The following CHST9 variants were observed in gnomAD, a reference collection of about 807,000 sequenced individuals.
CHST9 encodes the protein carbohydrate sulfotransferase 9.
CHST9 carries 41 observed loss-of-function variants against 44.4 expected under a neutral mutation model. The observed-to-expected ratio is 0.92, with a 90% CI of 0.72 to 1.20. CHST9 has a LOEUF of 1.20. Ranked by LOEUF, CHST9 falls within the 50% of genes most tolerant of loss-of-function variation. The pLI, the probability that CHST9 is intolerant of heterozygous loss-of-function variation, is 0.00. For synonymous variants in CHST9, 171 were observed against 178.4 expected (o/e 0.96, Z 0.33); for missense variants, 504 against 516.5 (o/e 0.98, Z 0.23).
chr18:27,020,840 T>A (rs2057217273), intron 4 of CHST9, among the ~76,000 whole-genome samples: 1 of 152,164 alleles, frequency 6.6e-6, no homozygotes, highest in Admixed American at 6.5e-5. Flanking sequence ...AGCTCTCTCT[T>A]GGGGTCCCCA....
intron 4 of CHST9, among the ~76,000 whole-genome samples, chr18:26,951,132 G>A (rs1250681555): frequency 1.3e-5 from 2 of 152,202 alleles, no homozygotes; most frequent in Non-Finnish European, 2.9e-5. Flanking sequence ...TGAAGGTGGT[G>A]TTGAGACACT....
At position 27,030,933 on chromosome 18, in the gene CHST9, A is replaced by C. The variant is rs200399412; in HGVS notation, c.161-6776T>G. ...TCTAGGAAATAGGGCAAAAACAAAC[A>C]AACAAGCTCTTCATTATCATGCAAT... is the stretch of plus-strand genomic sequence containing the variant. On this transcript the variant is annotated intron_variant, in intron 3 of 5. Transcript: ENST00000618847. Among the ~76,000 whole-genome samples, 23 of 116,840 alleles carry C rather than the reference A, an allele frequency of 2.0e-4. 1 individual carries two copies. Among genetic ancestry groups the C allele is most frequent in the Admixed American group, 1.7e-3 (20 of 11,484 alleles). 76.7% of individuals were successfully genotyped at this position (116,840 alleles called of 152,430 possible).
At chr18:27,076,607 A>T (rs563602410) in intron 2 of CHST9, among the ~76,000 whole-genome samples, 1 of 152,322 alleles carries the variant, frequency 6.6e-6, no homozygotes, top group East Asian at 1.9e-4. Context: ...GGTTTTCATT[A>T]GTGTATACCC....
intron 4 of CHST9, among the ~76,000 whole-genome samples, chr18:27,003,540 G>A (rs1369334905): frequency 1.3e-5 from 2 of 152,114 alleles, no homozygotes; most frequent in Non-Finnish European, 2.9e-5. Flanking sequence ...GTATAATATA[G>A]AAAGATTTTT....
At chr18:26,977,163 T>C (rs1405968921) in intron 4 of CHST9, among the ~76,000 whole-genome samples, 1 of 152,118 alleles carries the variant, frequency 6.6e-6, no homozygotes, top group Non-Finnish European at 1.5e-5. Flanking sequence ...AGAAAAAAAG[T>C]TACTTGCCAA....
At chr18:26,983,413 GTTGT>G (rs1462847876) in intron 4 of CHST9, among the ~76,000 whole-genome samples, 4 of 152,066 alleles carry the variant, frequency 2.6e-5, no homozygotes, top group African/African-American at 9.7e-5. Flanking sequence ...ATGAGATCTG[GTTGT>G]TTAAGTGTGT....
intron 4 of CHST9, among the ~76,000 whole-genome samples, chr18:27,002,799 G>A (rs1227935123): frequency 6.6e-6 from 1 of 152,132 alleles, no homozygotes; most frequent in African/African-American, 2.4e-5. Flanking sequence ...TAGGAAAAAT[G>A]TTAAGAAATT....
intron 2 of CHST9, among the ~76,000 whole-genome samples, chr18:27,131,684 A>C (rs1232137863): frequency 6.6e-6 from 1 of 152,202 alleles, no homozygotes; most frequent in Non-Finnish European, 1.5e-5. Context: ...TAATGTTAAA[A>C]TCGAGATCAT....
At chr18:27,168,032 T>A (rs190064397) in intron 1 of CHST9, among the ~76,000 whole-genome samples, 1 of 151,720 alleles carries the variant, frequency 6.6e-6, no homozygotes, top group Non-Finnish European at 1.5e-5. Context: ...GGGAAACAGA[T>A]AGGCATTGAA....
Position 26,950,445 on chromosome 18 carries a change from G to A in CHST9, c.203-6079C>T, listed in dbSNP as rs538354407. Among the ~76,000 whole-genome samples, 118 of 152,150 alleles carry A rather than the reference G, an allele frequency of 7.8e-4. 1 individual carries two copies. The highest frequency in any genetic ancestry group is 2.7e-3 in the African/African-American group (114 of 41,512). On this transcript the variant is annotated intron_variant, in intron 4 of 5. Coordinates refer to ENST00000618847, the MANE Select transcript of CHST9 (RefSeq NM_031422.6). Reference sequence around the variant, plus strand: ...ATGCAGGTTTTTAGCAGCACAATTCGCAGTTGCAAAAATGTAGAACCAACC... The same window carrying A: ...ATGCAGGTTTTTAGCAGCACAATTCACAGTTGCAAAAATGTAGAACCAACC...
At position 26,920,815 on chromosome 18, in the gene CHST9, T is replaced by C. The variant is rs893513591; in HGVS notation, c.241-3465A>G. ...AGAGAAAACAAATAAAATAAGCACATGGGAATCTGCTTGCAGTAAAGTAGA... is the reference window on the plus strand; with the variant it reads ...AGAGAAAACAAATAAAATAAGCACACGGGAATCTGCTTGCAGTAAAGTAGA... On this transcript the variant is annotated intron_variant, in intron 5 of 5. Transcript: ENST00000618847. Among the ~76,000 whole-genome samples, 122 of 152,320 alleles carry C rather than the reference T, an allele frequency of 8.0e-4. 1 individual carries two copies. The highest frequency in any genetic ancestry group is 2.8e-3 in the African/African-American group (116 of 41,572).
intron 3 of CHST9, among the ~76,000 whole-genome samples, chr18:27,045,560 T>G (rs555849717): frequency 2.2e-4 from 33 of 152,020 alleles, no homozygotes; most frequent in Non-Finnish European, 4.3e-4. Context: ...ATTTGCCTCC[T>G]CATATGTATC....
intron 3 of CHST9, among the ~76,000 whole-genome samples, chr18:27,026,308 A>G (rs567273893): frequency 6.6e-6 from 1 of 152,266 alleles, no homozygotes; most frequent in South Asian, 2.1e-4. Context: ...CTCCCCCACT[A>G]TAGTAAACTT....
At chr18:27,118,968 G>A (rs1222909251) in intron 2 of CHST9, among the ~76,000 whole-genome samples, 1 of 152,150 alleles carries the variant, frequency 6.6e-6, no homozygotes, top group Non-Finnish European at 1.5e-5. Context: ...ACATTTTGTA[G>A]GCATTTATGT....
At chr18:27,043,404 G>A (rs150019688) in intron 3 of CHST9, among the ~76,000 whole-genome samples, 1 of 152,038 alleles carries the variant, frequency 6.6e-6, no homozygotes, top group Non-Finnish European at 1.5e-5. Context: ...AATCAACATA[G>A]ATACGACTTA....
chr18:27,107,026 G>T (rs1302937349), intron 2 of CHST9, among the ~76,000 whole-genome samples: 2 of 152,194 alleles, frequency 1.3e-5, no homozygotes, highest in Admixed American at 1.3e-4. Flanking sequence ...AAAGGATGGA[G>T]TGGGTTTCCA....
chr18:26,976,134 T>C (rs2145181716), intron 4 of CHST9, among the ~76,000 whole-genome samples: 1 of 152,036 alleles, frequency 6.6e-6, no homozygotes, highest in South Asian at 2.1e-4. Context: ...AAAAGCTACT[T>C]AGAATTTTAA....
intron 2 of CHST9, among the ~76,000 whole-genome samples, chr18:27,138,944 G>C (rs1022088620): frequency 1.3e-5 from 2 of 152,042 alleles, no homozygotes; most frequent in African/African-American, 4.8e-5. Flanking sequence ...ATTAGCACTA[G>C]GAAATGGATA....
chr18:27,095,586 T>C (rs2058108915), intron 2 of CHST9, among the ~76,000 whole-genome samples: 2 of 152,222 alleles, frequency 1.3e-5, no homozygotes, highest in South Asian at 4.1e-4. Context: ...AAGCAAAGGG[T>C]TGTAGAAAGA....
Sources: gnomAD v4.1 joint callset for allele counts (sites outside exome capture counted in the v4.1 genomes callset) on GRCh38, gnomAD v4.1.1 for gene constraint, MANE v1.5 for transcripts, NCBI Gene and HGNC (gene_info 2026-07-23, HGNC 2026-07-21) for gene names.